The following TENM2 variants were observed in gnomAD, a reference collection of about 807,000 sequenced individuals.
TENM2 encodes teneurin-2.
A neutral mutation model predicts 245.2 loss-of-function variants in TENM2; 52 were observed. The ratio of observed to expected loss-of-function variants is 0.21; its 90% CI spans 0.17 to 0.27. The LOEUF is 0.27. TENM2 is among the 10% of genes least tolerant of loss of function. The probability of loss-of-function intolerance (pLI) is 1.00; values close to 1 mark genes in which losing one functional copy is unlikely to be tolerated. For missense variants in TENM2, 3,046 were observed against 3,666.8 expected (o/e 0.83, Z 4.37); for synonymous variants, 1,363 against 1,438.9 (o/e 0.95, Z 1.19).
chr5:167,430,533 G>A (rs1460839990), intron 2 of TENM2, among the ~76,000 whole-genome samples: 1 of 152,140 alleles, frequency 6.6e-6, no homozygotes, highest in South Asian at 2.1e-4. Flanking sequence ...ATGGCGGGGG[G>A]TCTGGTTTGC....
At chr5:167,427,246 G>A (rs552342742) in intron 2 of TENM2, among the ~76,000 whole-genome samples, 5 of 151,998 alleles carry the variant, frequency 3.3e-5, no homozygotes, top group Admixed American at 6.6e-5. Context: ...TGAGGTTGGG[G>A]GTTCGAGATA....
chr5:168,116,301 A>G (rs2152329778), intron 9 of TENM2, among the ~76,000 whole-genome samples: 1 of 152,308 alleles, frequency 6.6e-6, no homozygotes, highest in East Asian at 1.9e-4. Flanking sequence ...ATTCATAAGC[A>G]TAAGAATTCT....
chr5:168,153,100 A>T (rs1042175945), intron 12 of TENM2, among the ~76,000 whole-genome samples: 1 of 152,208 alleles, frequency 6.6e-6, no homozygotes, highest in Non-Finnish European at 1.5e-5. Flanking sequence ...TTAGGAAAAC[A>T]GCCATGAACA....
At position 167,830,610 on chromosome 5, in the gene TENM2, T is replaced by C. The variant is rs866359193; in HGVS notation, c.503-45376T>C. 5.3e-5 allele frequency among the ~76,000 whole-genome samples: 8 copies of C among 152,256 alleles called. No individual in the cohort carries two copies. The Middle Eastern group carries it at 0.024, about 453-fold the overall frequency. ...GGAAACAAATCAATGTTGTGTACTA[T>C]AGTGTGTGGCAGAGGAGGCAAACGA... On this transcript the variant is annotated intron_variant, in intron 2 of 28. Coordinates refer to ENST00000518659, the Ensembl canonical transcript of TENM2.
chr5:167,248,395 C>T, the TENM2 span, among the ~76,000 whole-genome samples: 2 of 152,198 alleles, frequency 1.3e-5, no homozygotes, highest in East Asian at 3.9e-4. Flanking sequence ...GTTCAGAATC[C>T]CACGGAGGGT....
chr5:168,043,554 C>G (rs1265821499), intron 5 of TENM2, among the ~76,000 whole-genome samples: 4 of 152,122 alleles, frequency 2.6e-5, no homozygotes, highest in Non-Finnish European at 5.9e-5. Context: ...CCCAATAAAA[C>G]CTAAAGGGAT....
rs115096916 is a variant in TENM2, at chr5:168,064,588, C to T, written c.1515+2323C>T. On this transcript the variant is annotated intron_variant, in intron 7 of 28. Transcript: ENST00000518659. ...GGACTCAAATCCTCAATGACAATGT[C>T]TTTTCTTCCTTTGTGGCTACGCCAC... Among the ~76,000 whole-genome samples, 506 of 152,366 alleles carry T rather than the reference C, an allele frequency of 3.3e-3. 5 individuals are homozygous for T. The highest frequency in any genetic ancestry group is 0.011 in the African/African-American group (477 of 41,592).
chr5:167,753,263 A>C (rs1368150123), intron 2 of TENM2, among the ~76,000 whole-genome samples: 1 of 152,178 alleles, frequency 6.6e-6, no homozygotes, highest in African/African-American at 2.4e-5. Context: ...GTTGGTCTGA[A>C]GGAGATTTAG....
At chr5:167,943,604 A>G (rs1381506689) in intron 3 of TENM2, among the ~76,000 whole-genome samples, 1 of 152,204 alleles carries the variant, frequency 6.6e-6, no homozygotes, top group Non-Finnish European at 1.5e-5. Context: ...TTGAAAAGCT[A>G]TGTGATGAGC....
chr5:167,418,482 T>A (rs192267189), intron 2 of TENM2, among the ~76,000 whole-genome samples: 10 of 152,302 alleles, frequency 6.6e-5, no homozygotes, highest in Admixed American at 3.3e-4. Context: ...TTTAATATTT[T>A]CATTTGGTAA....
chr5:168,123,644 C>T lies in TENM2; in HGVS notation c.2009-1206C>T, dbSNP rs78084178. Among the ~76,000 whole-genome samples the T allele has an allele frequency of 6.3e-3, 963 of 152,276 alleles. 13 individuals carry two copies. Among genetic ancestry groups the T allele is most frequent in the Middle Eastern group, 0.031 (9 of 294 alleles). ...CTGTGCCCCCAGGTGATAGAAGAAGCAATCCTTTAATCTGGGCCAACAGGC... is the reference window on the plus strand; with the variant it reads ...CTGTGCCCCCAGGTGATAGAAGAAGTAATCCTTTAATCTGGGCCAACAGGC... On this transcript the variant is annotated intron_variant, in intron 10 of 28. Coordinates refer to ENST00000518659, the Ensembl canonical transcript of TENM2.
intron 2 of TENM2, among the ~76,000 whole-genome samples, chr5:167,708,788 G>T (rs774869302): frequency 1.3e-5 from 2 of 152,114 alleles, no homozygotes; most frequent in Non-Finnish European, 2.9e-5. Flanking sequence ...GGAGTTGTTT[G>T]CTCTAACTGA....
intron 3 of TENM2, among the ~76,000 whole-genome samples, chr5:167,901,975 G>A (rs1251677996): frequency 3.3e-5 from 5 of 152,180 alleles, no homozygotes. Flanking sequence ...AGAAAGCAAC[G>A]GTGTATGAGC....
At chr5:167,981,360 T>C (rs1360895977) in intron 4 of TENM2, among the ~76,000 whole-genome samples, 1 of 152,224 alleles carries the variant, frequency 6.6e-6, no homozygotes, top group Non-Finnish European at 1.5e-5. Flanking sequence ...GTAACTGATA[T>C]AGGTGAAGCC....
At chr5:167,296,984 C>T (rs1161053761) in intron 1 of TENM2, among the ~76,000 whole-genome samples, 1 of 152,204 alleles carries the variant, frequency 6.6e-6, no homozygotes, top group Admixed American at 6.5e-5. Context: ...TCTGCATGTC[C>T]TAGTCTCACC....
At chr5:167,983,849 C>A (rs1252525470) in intron 4 of TENM2, among the ~76,000 whole-genome samples, 1 of 152,178 alleles carries the variant, frequency 6.6e-6, no homozygotes, top group Non-Finnish European at 1.5e-5. Context: ...ATTCTCCAAT[C>A]ACCAGGCTAA....
intron 12 of TENM2, among the ~76,000 whole-genome samples, chr5:168,132,899 A>C (rs780683741): frequency 2.0e-4 from 31 of 152,222 alleles, no homozygotes; most frequent in Non-Finnish European, 4.1e-4. Flanking sequence ...TGGTTCCTGG[A>C]GAGCTGAGCT....
chr5:168,222,406 C>T (rs892145062), intron 23 of TENM2, among the ~76,000 whole-genome samples: 4 of 152,146 alleles, frequency 2.6e-5, no homozygotes, highest in Non-Finnish European at 5.9e-5. Flanking sequence ...CTCCTTCTCC[C>T]AATCCAGCAA....
chr5:168,247,666 C>T lies in TENM2; in HGVS notation c.6727C>T (p.Leu2243Phe). The change falls in exon 27 of 29, where the codon CTC becomes TTC. Residue 2243 changes from leucine (L) to phenylalanine (F), a missense_variant. Physicochemically the swap from Leu to Phe is conservative, Grantham distance 22. Coordinates refer to ENST00000518659, the Ensembl canonical transcript of TENM2. The surrounding 1 kb of genome is among the most constrained non-coding windows in gnomAD (Gnocchi z 7.8). ...ACTGAACCCAGGCAACAGTGTGCGC[C>T]TCATGCCCTTGCGCTATGACCTCCG... The T allele has an allele frequency of 6.2e-7, 1 of 1,613,900 alleles. No homozygotes were observed. Among genetic ancestry groups the T allele is most frequent in the Non-Finnish European group, 8.5e-7 (1 of 1,179,898 alleles).
Sources: allele counts gnomAD v4.1 joint callset (sites outside exome capture counted in the v4.1 genomes callset), GRCh38; gene constraint gnomAD v4.1.1; non-coding constraint Gnocchi (gnomAD v3.1); transcripts MANE v1.5; gene names NCBI Gene and HGNC (gene_info 2026-07-23, HGNC 2026-07-21).